Variants in SLC35F1 observed in about 807,000 individuals in gnomAD.
The protein encoded by SLC35F1 is solute carrier family 35 member F1.
SLC35F1 carries 14 observed loss-of-function variants against 48.7 expected under a neutral mutation model. The observed-to-expected ratio is 0.29, with a 90% confidence interval of 0.19 to 0.45. The LOEUF is 0.45. Among genes scored for constraint, SLC35F1 ranks in the 20% least tolerant of loss-of-function variants. The pLI, the probability that SLC35F1 is intolerant of heterozygous loss-of-function variation, is 1.00. For missense variants in SLC35F1, 404 were observed against 500.0 expected (o/e 0.81, Z 1.83); for synonymous variants, 190 against 202.2 (o/e 0.94, Z 0.51).
chr6:118,229,288 C>A (rs1775258774), intron 2 of SLC35F1, among the ~76,000 whole-genome samples: 1 of 152,136 alleles, frequency 6.6e-6, no homozygotes, highest in South Asian at 2.1e-4. Flanking sequence ...AGGAAAAATT[C>A]TCTCATAGAC....
chr6:118,144,151 A>T (rs1773934432), intron 1 of SLC35F1, among the ~76,000 whole-genome samples: 1 of 152,204 alleles, frequency 6.6e-6, no homozygotes, highest in South Asian at 2.1e-4. Context: ...TGTTCAGTGC[A>T]GCACTATTCA....
chr6:118,124,065 C>T (rs750294167), intron 1 of SLC35F1, among the ~76,000 whole-genome samples: 4 of 152,154 alleles, frequency 2.6e-5, no homozygotes, highest in Non-Finnish European at 5.9e-5. Flanking sequence ...TCTTGAGACA[C>T]TCATAGTCTC....
At chr6:118,025,662 A>G (rs961396229) in intron 1 of SLC35F1, among the ~76,000 whole-genome samples, 3 of 152,142 alleles carry the variant, frequency 2.0e-5, no homozygotes, top group African/African-American at 4.8e-5. Flanking sequence ...TTTTGTGAGG[A>G]TAGATTCATG....
intron 7 of SLC35F1, among the ~76,000 whole-genome samples, chr6:118,299,170 A>T (rs2114657307): frequency 1.3e-5 from 2 of 152,226 alleles, no homozygotes; most frequent in Admixed American, 1.3e-4. Context: ...AAACAGTGAG[A>T]CCCTATCTCA....
chr6:118,045,203 G>A (rs1261379898), intron 1 of SLC35F1, among the ~76,000 whole-genome samples: 1 of 152,112 alleles, frequency 6.6e-6, no homozygotes, highest in East Asian at 1.9e-4. Context: ...GCAATCTGGG[G>A]TTGTGTCTTC....
chr6:118,229,144 C>G (rs1047085639), intron 2 of SLC35F1, among the ~76,000 whole-genome samples: 1 of 152,006 alleles, frequency 6.6e-6, no homozygotes, highest in Non-Finnish European at 1.5e-5. Flanking sequence ...CCACTACCAC[C>G]CTCACCCCAC....
At chr6:118,302,329 T>A (rs979833038) in intron 7 of SLC35F1, among the ~76,000 whole-genome samples, 1 of 152,146 alleles carries the variant, frequency 6.6e-6, no homozygotes, top group Non-Finnish European at 1.5e-5. Flanking sequence ...GGGAGAGCAT[T>A]CTAAACTGAT....
At chr6:117,931,045 T>C (rs951769781) in intron 1 of SLC35F1, among the ~76,000 whole-genome samples, 2 of 152,146 alleles carry the variant, frequency 1.3e-5, no homozygotes, top group Non-Finnish European at 2.9e-5. Flanking sequence ...CAGAGATGTT[T>C]TGAGAATATA....
At chr6:118,183,099 G>C (rs1224165366) in intron 2 of SLC35F1, among the ~76,000 whole-genome samples, 1 of 152,184 alleles carries the variant, frequency 6.6e-6, no homozygotes, top group Non-Finnish European at 1.5e-5. Context: ...GTATGGCTCA[G>C]ATTGTTGCAA....
chr6:118,307,795 T>A lies in SLC35F1; in HGVS notation c.1003-6233T>A, dbSNP rs143482336. Among the ~76,000 whole-genome samples, 593 of 152,312 alleles carry A rather than the reference T, an allele frequency of 3.9e-3. 9 individuals carry two copies. Among genetic ancestry groups the A allele is most frequent in the Admixed American group, 0.023 (358 of 15,306 alleles). ...ATAGATCAGGACCTGGCAGAGCTTTTCGTCCCAGGGTCTTACCGTTACAGG... is the reference window on the plus strand; with the variant it reads ...ATAGATCAGGACCTGGCAGAGCTTTACGTCCCAGGGTCTTACCGTTACAGG... On this transcript the variant is annotated intron_variant, in intron 7 of 7. Transcript: ENST00000360388.
intron 1 of SLC35F1, among the ~76,000 whole-genome samples, chr6:118,062,179 A>G (rs939166841): frequency 1.3e-5 from 2 of 152,196 alleles, no homozygotes; most frequent in African/African-American, 4.8e-5. Flanking sequence ...GGAAGGTGCC[A>G]AAACTTCAAT....
At chr6:118,100,171 G>A (rs1319917174) in intron 1 of SLC35F1, among the ~76,000 whole-genome samples, 1 of 152,134 alleles carries the variant, frequency 6.6e-6, no homozygotes, top group Admixed American at 6.6e-5. Flanking sequence ...TTTAGACCAA[G>A]GCAGTCTGGT....
Position 117,907,915 on chromosome 6 carries a change from G to A in SLC35F1, c.173+16G>A, listed in dbSNP as rs764951033. ...TGCTGAACAGGTGAGCGGCGGCGCC[G>A]GGCGAGGGCGCGGGGGGCGGGGGCT... is the stretch of plus-strand genomic sequence containing the variant. On this transcript the variant is annotated intron_variant, in intron 1 of 7. Coordinates refer to ENST00000360388, the MANE Select transcript of SLC35F1 (RefSeq NM_001029858.4). The A allele has an allele frequency of 7.6e-6, 10 of 1,312,278 alleles. No individual in the cohort carries two copies. In the South Asian group the frequency reaches 2.3e-4, roughly 30 times the overall value. 81.3% of individuals were successfully genotyped at this position (1,312,278 alleles called of 1,614,324 possible).
At chr6:118,166,735 C>A (rs1350374228) in intron 2 of SLC35F1, among the ~76,000 whole-genome samples, 5 of 152,118 alleles carry the variant, frequency 3.3e-5, no homozygotes. Flanking sequence ...GTCTCTACCC[C>A]TGTTTTCTAT....
chr6:118,241,962 AC>A (rs1295259456), intron 3 of SLC35F1, among the ~76,000 whole-genome samples: 2 of 152,218 alleles, frequency 1.3e-5, no homozygotes, highest in African/African-American at 4.8e-5. Flanking sequence ...AATTTGTTTA[AC>A]TATTTACCTG....
intron 2 of SLC35F1, among the ~76,000 whole-genome samples, chr6:118,217,616 G>T (rs1775092637): frequency 6.6e-6 from 1 of 152,018 alleles, no homozygotes; most frequent in African/African-American, 2.4e-5. Context: ...TAGTTAGATG[G>T]TAAATGTTAC....
At chr6:118,265,022 T>A (rs565755183) in intron 3 of SLC35F1, among the ~76,000 whole-genome samples, 1 of 152,364 alleles carries the variant, frequency 6.6e-6, no homozygotes, top group African/African-American at 2.4e-5. Flanking sequence ...ACAGTGCTAC[T>A]TAGCATTCAC....
chr6:118,171,083 C>G (rs1332055741), intron 2 of SLC35F1, among the ~76,000 whole-genome samples: 3 of 152,132 alleles, frequency 2.0e-5, no homozygotes, highest in Non-Finnish European at 4.4e-5. Flanking sequence ...GTCACCCAAG[C>G]TGGAGTGCAA....
intron 7 of SLC35F1, among the ~76,000 whole-genome samples, chr6:118,293,328 C>A (rs1003620593): frequency 2.0e-5 from 3 of 152,116 alleles, no homozygotes; most frequent in African/African-American, 7.2e-5. Flanking sequence ...CATTTCCTTA[C>A]CGTTTCCAGC....
Sources: allele counts gnomAD v4.1 joint callset (sites outside exome capture counted in the v4.1 genomes callset), GRCh38; gene constraint gnomAD v4.1.1; transcripts MANE v1.5; gene names NCBI Gene and HGNC (gene_info 2026-07-23, HGNC 2026-07-21).